The following DEAF1 variants were observed in gnomAD, a reference collection of about 807,000 sequenced individuals.
DEAF1 encodes DEAF1 transcription factor, also known as deformed epidermal autoregulatory factor 1 homolog.
In DEAF1, 53 loss-of-function variants were observed where a neutral mutation model predicts 58.9. The observed-to-expected ratio is 0.90, with a 90% CI of 0.72 to 1.13. The LOEUF (loss-of-function observed/expected upper bound fraction) is 1.13. DEAF1 is among the 50% of genes most tolerant of loss of function. DEAF1 has a pLI of 0.00. For missense variants in DEAF1, 685 were observed against 791.4 expected, an observed-to-expected ratio of 0.87 and a Z score of 1.61; for synonymous variants, 385 against 340.4, an observed-to-expected ratio of 1.13 and a Z score of -1.44.
At chr11:706,668 G>A (rs1204568666) in exon 1 of DEAF1, 4 of 152,592 alleles carry the variant, frequency 2.6e-5, no homozygotes, top group Admixed American at 1.3e-4. Context: ...CCGGTTCTGT[G>A]AGCAGCAGGA....
rs35303725 is a variant in DEAF1 at position 674,638 on chromosome 11, C to T, written c.1401G>A (p.Ala467=). 0.019 allele frequency: 30,440 copies of T among 1,614,138 alleles called. 536 individuals are homozygous for T. The highest frequency in any genetic ancestry group is 0.065 in the South Asian group (5,922 of 91,088). ...GCTCAAACAGCGTCTTCAGCTGCTG[C>T]GCTGTGTTGAGCAAGGAGTTGACCA... ...EEMVNSLLNT[A]QQLKTLFEQA... is the part of the protein sequence containing the mutation. Residue 467 remains alanine (A), a synonymous_variant, in exon 10 of 12, where the codon GCG becomes GCA. Transcript: ENST00000382409.
upstream of DEAF1, chr11:695,866 G>C: frequency 8.2e-7 from 1 of 1,226,702 alleles, no homozygotes; most frequent in Non-Finnish European, 1.0e-6. Flanking sequence ...GGCGGGGTGG[G>C]GGCTTCCGGG....
At chr11:678,881 AAT>A in intron 8 of DEAF1, 59 bp from the exon 9 acceptor site, 1 of 1,605,660 alleles carries the variant, frequency 6.2e-7, no homozygotes, top group Non-Finnish European at 8.5e-7. Context: ...GCAGACTCTA[AAT>A]ATCACGCTGT....
intron 6 of DEAF1, among the ~76,000 whole-genome samples, chr11:683,761 G>A (rs9667500): frequency 0.5 from 76,569 of 151,928 alleles, 20,134 homozygotes; most frequent in East Asian, 0.73. Context: ...GGCGCAGGAC[G>A]TCTTTTGACG....
chr11:652,724 G>C (rs1018391799), intron 11 of DEAF1, among the ~76,000 whole-genome samples: 1 of 151,910 alleles, frequency 6.6e-6, no homozygotes, highest in African/African-American at 2.4e-5. Flanking sequence ...ATGAAACAAA[G>C]ACATCACAGG....
Position 688,258 on chromosome 11 carries a change from A to G in DEAF1, c.517+73T>C, listed in dbSNP as rs1326657324. On this transcript the variant is annotated intron_variant, in intron 3 of 11. Coordinates refer to ENST00000382409, the MANE Select transcript of DEAF1 (RefSeq NM_021008.4). This position sits in a 1 kb window ranked among gnomAD's most constrained non-coding sequence, Gnocchi z 4.3. ...TTACCACAAAAAGAAACAAGTAAAT[A>G]AATCCCTGAAATAAATTCTAGCTAT... The G allele has an allele frequency of 1.5e-5, 24 of 1,575,968 alleles. No individual in the cohort carries two copies. Among genetic ancestry groups the G allele is most frequent in the Non-Finnish European group, 2.0e-5 (23 of 1,159,862 alleles).
At chr11:648,844 A>G (rs1858621506) in intron 11 of DEAF1, among the ~76,000 whole-genome samples, 1 of 152,238 alleles carries the variant, frequency 6.6e-6, no homozygotes, top group Non-Finnish European at 1.5e-5. Context: ...AGAAAACACA[A>G]CTAGAAAATA....
chr11:701,485 A>G (rs1425461735), intron 1 of DEAF1, among the ~76,000 whole-genome samples: 58 of 133,442 alleles, frequency 4.3e-4, no homozygotes, highest in Non-Finnish European at 8.0e-4. Flanking sequence ...AACTTGGCTC[A>G]CTGCAAGCTC....
intron 1 of DEAF1, chr11:700,939 G>A: frequency 1.7e-6 from 1 of 580,720 alleles, no homozygotes; most frequent in Middle Eastern, 4.6e-4. Flanking sequence ...TCTGTGTTTG[G>A]AAGCATGTCT....
chr11:698,189 G>A (rs1031944190), upstream of DEAF1, among the ~76,000 whole-genome samples: 2 of 152,078 alleles, frequency 1.3e-5, no homozygotes, highest in African/African-American at 4.8e-5. Flanking sequence ...CAATTAGTCC[G>A]CTCCAGGTCA....
Position 688,468 on chromosome 11 carries a change from G to A in DEAF1, c.388-8C>T, listed in dbSNP as rs780138163. On this transcript the variant is annotated splice_polypyrimidine_tract_variant and splice_region_variant and intron_variant, in intron 2 of 11. Transcript: ENST00000382409. The surrounding 1 kb of genome is among the most constrained non-coding windows in gnomAD (Gnocchi z 4.3). ...AAGGGCCGTCCTACCAGACTAGAAG[G>A]AAAAACCGCTCCGTCAGGTCACGTC... The A allele has an allele frequency of 6.2e-7, 1 of 1,613,384 alleles. No individual in the cohort carries two copies. Among genetic ancestry groups the A allele is most frequent in the African/African-American group, 1.3e-5 (1 of 74,870 alleles).
chr11:687,804 T>G (rs1860662129), intron 4 of DEAF1, 107 bp downstream of exon 4: 4 of 1,500,680 alleles, frequency 2.7e-6, no homozygotes, highest in Non-Finnish European at 3.7e-6. Context: ...CCCTGTCTTC[T>G]TAACTAGTTC....
intron 6 of DEAF1, among the ~76,000 whole-genome samples, chr11:682,170 C>T (rs1318667357): frequency 1.3e-5 from 2 of 152,286 alleles, no homozygotes; most frequent in East Asian, 1.9e-4. Flanking sequence ...TTTTGGCTGT[C>T]GCTCTTCCTG....
rs4963174 is a variant in DEAF1 at position 649,432 on chromosome 11, C to A, written c.1593+4530G>T. Reference sequence around the variant, plus strand: ...GAGAGACCCCACTTAAAAAAAAAAACAAAACAGCTGGGTGTGGTGGCTCAC... The same window carrying A: ...GAGAGACCCCACTTAAAAAAAAAAAAAAAACAGCTGGGTGTGGTGGCTCAC... On this transcript the variant is annotated intron_variant, in intron 11 of 11. Transcript: ENST00000382409. 4.0e-4 allele frequency among the ~76,000 whole-genome samples: 23 copies of A among 58,158 alleles called. 1 individual carries two copies. The highest frequency in any genetic ancestry group is 7.7e-4 in the South Asian group (1 of 1,296). The allele number at this position is 58,158 out of a possible 152,430, so 38.2% of individuals were successfully genotyped here. A position where few individuals can be genotyped will look rare whatever the true frequency, so the allele number is the denominator to read the frequency against.
chr11:664,236 A>T (rs1350011913), intron 10 of DEAF1, among the ~76,000 whole-genome samples: 2 of 152,214 alleles, frequency 1.3e-5, no homozygotes, highest in Non-Finnish European at 2.9e-5. Context: ...AAAAGAAAAA[A>T]AAGAAAAAAA....
chr11:672,842 C>T (rs919801288), intron 10 of DEAF1, among the ~76,000 whole-genome samples: 3 of 151,076 alleles, frequency 2.0e-5, no homozygotes, highest in Non-Finnish European at 2.9e-5. Context: ...AGCAAGACTC[C>T]GTCTCAAAAA....
At chr11:701,016 C>G in intron 1 of DEAF1, 1 of 441,472 alleles carries the variant, frequency 2.3e-6, no homozygotes, top group South Asian at 2.4e-5. Context: ...TCTGGAGCTC[C>G]GGAATATTCA....
At position 694,295 on chromosome 11, in the gene DEAF1, CGGGGCAGGTGTTT is replaced by C. The variant is rs1860987545; in HGVS notation, c.289+451_289+463del. On this transcript the variant is annotated intron_variant, in intron 1 of 11. Transcript: ENST00000382409. The stretch of plus-strand genomic sequence containing the variant: ...AGGCAGGTCACCAGGGGCAGGTGTG[CGGGGCAGGTGTTT>C]GGGGTAGGTGGGGCAGGCTGGTCAC... 13 of 84,634 alleles carry C rather than the reference CGGGGCAGGTGTTT, an allele frequency of 1.5e-4. No homozygotes were observed. The South Asian group carries it at 1.6e-3, about 10-fold the overall frequency. 5.2% of individuals were successfully genotyped at this position (84,634 alleles called of 1,614,324 possible). A position where few individuals can be genotyped will look rare whatever the true frequency, so the allele number is the denominator to read the frequency against.
chr11:657,240 G>A (rs1859102378), intron 10 of DEAF1, among the ~76,000 whole-genome samples: 1 of 152,180 alleles, frequency 6.6e-6, no homozygotes. Flanking sequence ...GGGGCTCCTT[G>A]GAGAAGGGGC....
Sources: gnomAD v4.1 joint callset for allele counts (sites outside exome capture counted in the v4.1 genomes callset) on GRCh38, gnomAD v4.1.1 for gene constraint, Gnocchi (gnomAD v3.1) non-coding constraint, MANE v1.5 for transcripts, NCBI Gene and HGNC (gene_info 2026-07-23, HGNC 2026-07-21) for gene names.